The following SPAG17 variants were observed in gnomAD, a reference collection of about 807,000 sequenced individuals.
SPAG17 encodes sperm associated antigen 17.
Under a neutral mutation model 273.6 loss-of-function variants are expected in SPAG17, and 169 were observed. That is an observed-to-expected ratio of 0.62 (90% confidence interval 0.55 to 0.70). The LOEUF (loss-of-function observed/expected upper bound fraction) is 0.70, where lower values mean the gene tolerates loss of function less well. Among genes scored for constraint, SPAG17 ranks in the 30% least tolerant of loss-of-function variants. The pLI, the probability that SPAG17 is intolerant of heterozygous loss-of-function variation, is 0.00. For missense variants in SPAG17, 2,557 were observed against 2,627.8 expected (o/e 0.97, Z 0.59); for synonymous variants, 825 against 873.2 (o/e 0.94, Z 0.97).
At chr1:118,096,091 A>G (rs1313538384) in intron 7 of SPAG17, among the ~76,000 whole-genome samples, 1 of 152,192 alleles carries the variant, frequency 6.6e-6, no homozygotes, top group Non-Finnish European at 1.5e-5. Context: ...GTTTCTACAT[A>G]GTGACATCTA....
At chr1:117,994,071 G>T (rs1013986588) in intron 35 of SPAG17, among the ~76,000 whole-genome samples, 2 of 152,134 alleles carry the variant, frequency 1.3e-5, no homozygotes. Context: ...TAGAAGGAAA[G>T]ATTTCTGTAT....
intron 3 of SPAG17, among the ~76,000 whole-genome samples, chr1:118,126,889 T>C (rs1276014655): frequency 2.5e-4 from 33 of 134,186 alleles, no homozygotes; most frequent in Admixed American, 2.2e-3. Context: ...GAGGTCTACT[T>C]TCATTCTTCT....
At chr1:118,052,693 G>A (rs1270846883) in intron 20 of SPAG17, among the ~76,000 whole-genome samples, 2 of 151,832 alleles carry the variant, frequency 1.3e-5, no homozygotes, top group African/African-American at 4.8e-5. Context: ...TAAAAAATAA[G>A]TAATAAAAAT....
At chr1:117,970,464 G>A (rs1654428280) in intron 45 of SPAG17, among the ~76,000 whole-genome samples, 1 of 152,230 alleles carries the variant, frequency 6.6e-6, no homozygotes, top group Non-Finnish European at 1.5e-5. Flanking sequence ...TGGCAGCCGG[G>A]TCATTAAGTT....
intron 7 of SPAG17, among the ~76,000 whole-genome samples, chr1:118,096,992 C>CCAAGGCAGCACTTT (rs1558010346): frequency 4.6e-5 from 7 of 151,886 alleles, no homozygotes; most frequent in Non-Finnish European, 1.0e-4. Flanking sequence ...CCTAGCACTT[C>CCAAGGCAGCACTTT]GGGAGGCCAA....
rs1287574380 is a variant in SPAG17 at position 117,988,182 on chromosome 1, T to A, written c.5544A>T (p.Leu1848Phe). 1 of 1,599,832 alleles carries A rather than the reference T, an allele frequency of 6.3e-7. No individual in the cohort carries two copies. Among genetic ancestry groups the A allele is most frequent in the Non-Finnish European group, 8.5e-7 (1 of 1,176,378 alleles). Residue 1848 changes from leucine to phenylalanine, a missense_variant, in exon 39 of 49, where the codon TTA (leucine) becomes TTT (phenylalanine). Leu to Phe is a conservative substitution (Grantham distance 22). Transcript: ENST00000336338. ...VTEVAAHLTDLFKQSLATPPK... is the reference protein window; with the variant it reads ...VTEVAAHLTDFFKQSLATPPK... ...GAGGCGTAGCCAAAGACTGCTTGAATAAATCAGTTAGGTGAGCTGCAACTT... is the reference window on the plus strand; with the variant it reads ...GAGGCGTAGCCAAAGACTGCTTGAAAAAATCAGTTAGGTGAGCTGCAACTT...
At position 118,150,637 on chromosome 1, in the gene SPAG17, A is replaced by G; in HGVS notation, c.229-8T>C. On this transcript the variant is annotated splice_polypyrimidine_tract_variant and splice_region_variant and intron_variant, in intron 2 of 48. Transcript: ENST00000336338. Reference sequence around the variant, plus strand: ...TGTATTTATTTCATTAATCTGTAAGAAAATTAAATTTACTTATGATGAAAA... The same window carrying G: ...TGTATTTATTTCATTAATCTGTAAGGAAATTAAATTTACTTATGATGAAAA... The G allele has an allele frequency of 7.0e-7, 1 of 1,427,172 alleles. No homozygotes were observed. The highest frequency in any genetic ancestry group is 9.7e-7 in the Non-Finnish European group (1 of 1,030,544). 88.4% of individuals were successfully genotyped at this position (1,427,172 alleles called of 1,614,324 possible). A position where few individuals can be genotyped will look rare whatever the true frequency, so the allele number is the denominator to read the frequency against.
chr1:118,126,203 CTT>C (rs776674134), intron 3 of SPAG17, among the ~76,000 whole-genome samples: 4 of 110,556 alleles, frequency 3.6e-5, no homozygotes, highest in Non-Finnish European at 3.6e-5. Flanking sequence ...ATCCTTTATC[CTT>C]TTTTTTTTTT....
intron 3 of SPAG17, among the ~76,000 whole-genome samples, chr1:118,120,827 A>C (rs1657379578): frequency 6.6e-6 from 1 of 152,228 alleles, no homozygotes; most frequent in African/African-American, 2.4e-5. Context: ...CCTGCCATGA[A>C]AATAGAAAAT....
chr1:118,009,214 C>T (rs1053959047), intron 30 of SPAG17, among the ~76,000 whole-genome samples: 9 of 149,888 alleles, frequency 6.0e-5, no homozygotes, highest in African/African-American at 1.7e-4. Flanking sequence ...TGTATAATGA[C>T]GATTTTCCAA....
chr1:117,972,655 C>A (rs1187483186), intron 44 of SPAG17, among the ~76,000 whole-genome samples: 5 of 151,928 alleles, frequency 3.3e-5, no homozygotes, highest in African/African-American at 1.2e-4. Context: ...TAACAAGATC[C>A]CGAGGTAATT....
At position 118,025,250 on chromosome 1, in the gene SPAG17, A is replaced by T. The variant is rs769124400; in HGVS notation, c.3897T>A (p.Asp1299Glu). The change falls in exon 27 of 49, where the codon GAT becomes GAA. Residue 1299 changes from aspartate to glutamate, a missense_variant. Coordinates refer to ENST00000336338, the MANE Select transcript of SPAG17 (RefSeq NM_206996.4). ...CACATTCTTTTACCTGTGTGGATCCATCCAACATATATTTGACAACAGTGC... is the reference window on the plus strand; with the variant it reads ...CACATTCTTTTACCTGTGTGGATCCTTCCAACATATATTTGACAACAGTGC... ...SQGTVVKYMLDGSTQILFADG... is the reference protein window; with the variant it reads ...SQGTVVKYMLEGSTQILFADG... 1.2e-6 allele frequency: 2 copies of T among 1,613,256 alleles called. No homozygotes were observed. The highest frequency in any genetic ancestry group is 1.7e-6 in the Non-Finnish European group (2 of 1,179,628).
At chr1:118,023,206 G>A (rs1048199028) in intron 28 of SPAG17, 98 bp downstream of exon 28, 4 of 752,812 alleles carry the variant, frequency 5.3e-6, no homozygotes, top group Non-Finnish European at 7.8e-6. Context: ...ATTTGTAGAA[G>A]AGGTTGCAAG....
rs756678179 is a variant in SPAG17 at position 118,151,319 on chromosome 1, A to G, written c.138T>C (p.Asp46=). Residue 46 remains aspartate, a synonymous_variant, in exon 2 of 49, where the codon GAT becomes GAC. Transcript: ENST00000336338. ...CGGTAAGGGCTTGGATGAGAAGATC[A>G]TCTTCAATCTGGTTCCCAACCACAA... ...IAFVVGNQIE[D]DLLIQALTVA... is the part of the protein sequence containing the mutation. The G allele has an allele frequency of 6.2e-7, 1 of 1,613,248 alleles. No homozygotes were observed. The highest frequency in any genetic ancestry group is 8.5e-7 in the Non-Finnish European group (1 of 1,179,438).
intron 32 of SPAG17, among the ~76,000 whole-genome samples, chr1:118,003,052 C>T (rs1658484702): frequency 6.6e-6 from 1 of 152,188 alleles, no homozygotes; most frequent in African/African-American, 2.4e-5. Flanking sequence ...ATTTGCTTGT[C>T]TGTAAAGGAT....
chr1:118,167,691 A>G (rs1660236718), intron 1 of SPAG17, among the ~76,000 whole-genome samples: 1 of 152,194 alleles, frequency 6.6e-6, no homozygotes, highest in Admixed American at 6.5e-5. Flanking sequence ...TAGAGATTTT[A>G]GGTACATTTC....
At chr1:118,066,615 T>C (rs1653001177) in intron 18 of SPAG17, 130 bp downstream of exon 18, 1 of 693,652 alleles carries the variant, frequency 1.4e-6, no homozygotes, top group Non-Finnish European at 2.4e-6. Flanking sequence ...GAATCTATAG[T>C]ACTACACAAA....
At position 118,093,246 on chromosome 1, in the gene SPAG17, C is replaced by T. The variant is rs534363467; in HGVS notation, c.1083G>A (p.Gln361=). 12 of 1,613,690 alleles carry T rather than the reference C, an allele frequency of 7.4e-6. No homozygotes were observed. In the South Asian group the frequency reaches 1.3e-4, roughly 18 times the overall value. The change falls in exon 8 of 49, where the codon CAG becomes CAA. Residue 361 remains glutamine, a synonymous_variant. Transcript: ENST00000336338. ...GCATGCTTTCCAAATAGTGCTGGTG[C>T]TGCCTTTTCCAATCCAGGATGTCAT... The part of the protein sequence containing the change: ...LMYDILDWKR[Q]HQHYLESMQL...
chr1:118,053,012 C>A (rs1651243331), intron 20 of SPAG17, among the ~76,000 whole-genome samples: 1 of 151,874 alleles, frequency 6.6e-6, no homozygotes, highest in Non-Finnish European at 1.5e-5. Context: ...ACCAGACACC[C>A]TTAGGAGATT....
Sources: gnomAD v4.1 joint callset for allele counts (sites outside exome capture counted in the v4.1 genomes callset) on GRCh38, gnomAD v4.1.1 for gene constraint, MANE v1.5 for transcripts, NCBI Gene and HGNC (gene_info 2026-07-23, HGNC 2026-07-21) for gene names.